NUDT7: variants seen among roughly 807,000 people sequenced by gnomAD.
NUDT7 encodes nudix hydrolase 7, also known as peroxisomal coenzyme A diphosphatase NUDT7.
NUDT7 carries 19 observed loss-of-function variants against 13.1 expected under a neutral mutation model. The ratio of observed to expected loss-of-function variants is 1.45; its 90% CI spans 1.01 to 2.13. NUDT7 has a LOEUF of 2.13. Among genes scored for constraint, NUDT7 ranks in the 30% most tolerant of loss-of-function variants. NUDT7 has a pLI of 0.00. For missense variants in NUDT7, 360 were observed against 291.7 expected, an observed-to-expected ratio of 1.23 and a Z score of -1.71; for synonymous variants, 132 against 109.7, an observed-to-expected ratio of 1.20 and a Z score of -1.27.
chr16:77,729,332 G>A (rs867672699), intron 2 of NUDT7, among the ~76,000 whole-genome samples: 14 of 151,866 alleles, frequency 9.2e-5, no homozygotes, highest in Admixed American at 2.0e-4. Context: ...TATTCACTGT[G>A]GAATGACTAA....
At chr16:77,722,977 G>T (rs572046293) in intron 1 of NUDT7, among the ~76,000 whole-genome samples, 1 of 152,326 alleles carries the variant, frequency 6.6e-6, no homozygotes, top group African/African-American at 2.4e-5. Flanking sequence ...GCTACTTTCA[G>T]TTGTGACCTT....
intron 2 of NUDT7, among the ~76,000 whole-genome samples, chr16:77,728,242 C>CT (rs912269306): frequency 1.3e-5 from 2 of 151,738 alleles, no homozygotes; most frequent in East Asian, 1.9e-4. Context: ...ACAAGTTTTT[C>CT]TTTTTTTTCA....
In NUDT7 at chr16:77,741,669, C is replaced by T. The variant is rs775846817; in HGVS notation, c.436C>T (p.Leu146=). The T allele has an allele frequency of 1.2e-6, 2 of 1,614,182 alleles. No homozygotes were observed. The highest frequency in any genetic ancestry group is 8.5e-7 in the Non-Finnish European group (1 of 1,180,030). ...PNPAEVKDVF[L]VPLAYFLHPQ... ...TCCTGCTGAAGTTAAGGATGTATTCCTGGTGCCTCTGGCCTATTTCCTGCA... is the reference window on the plus strand; with the variant it reads ...TCCTGCTGAAGTTAAGGATGTATTCTTGGTGCCTCTGGCCTATTTCCTGCA... The change falls in exon 4 of 4, where the codon CTG becomes TTG. Residue 146 remains leucine, a synonymous_variant. Transcript: ENST00000268533.
intron 2 of NUDT7, among the ~76,000 whole-genome samples, chr16:77,732,205 G>A (rs1330692738): frequency 6.6e-6 from 1 of 151,966 alleles, no homozygotes; most frequent in Non-Finnish European, 1.5e-5. Context: ...GCGGGTGCCT[G>A]TAATTCCAGT....
At chr16:77,727,078 T>A (rs1283977726) in intron 2 of NUDT7, among the ~76,000 whole-genome samples, 1 of 152,088 alleles carries the variant, frequency 6.6e-6, no homozygotes, top group Non-Finnish European at 1.5e-5. Context: ...AAACCATGCG[T>A]GAGAAATCTG....
chr16:77,725,347 CA>C, intron 1 of NUDT7, 83 bp from the exon 2 acceptor site: 1 of 1,289,896 alleles, frequency 7.8e-7, no homozygotes, highest in Non-Finnish European at 1.1e-6. Context: ...AAATACACAA[CA>C]AAGCAGAAAC....
intron 2 of NUDT7, among the ~76,000 whole-genome samples, chr16:77,733,943 C>A (rs1479566439): frequency 6.6e-6 from 1 of 152,124 alleles, no homozygotes. Flanking sequence ...CTCTCCACTT[C>A]TGCCCAAGAT....
At chr16:77,729,383 A>C (rs1219515213) in intron 2 of NUDT7, among the ~76,000 whole-genome samples, 5 of 152,188 alleles carry the variant, frequency 3.3e-5, no homozygotes, top group Non-Finnish European at 7.4e-5. Context: ...ATAGTAACAT[A>C]CTACTTCACA....
intron 1 of NUDT7, among the ~76,000 whole-genome samples, chr16:77,724,130 G>A (rs1252303877): frequency 6.6e-6 from 1 of 152,148 alleles, no homozygotes; most frequent in African/African-American, 2.4e-5. Context: ...CTCTGGGGGT[G>A]ACCTTTCCTT....
rs771650294 is a variant in NUDT7, at chr16:77,722,537, G to T, written c.-46G>T. 1.0e-5 allele frequency: 16 copies of T among 1,550,760 alleles called. No homozygotes were observed. The highest frequency in any genetic ancestry group is 4.8e-5 in the East Asian group (2 of 41,572). On this transcript the variant is annotated 5_prime_UTR_variant, in exon 1 of 4. Transcript: ENST00000268533. ...CTGCTCTGCGCAAGCGCGACCGACC[G>T]AGCAGCTCCGAGGAGTCCGCCCGGA...
Position 77,742,149 on chromosome 16 carries a change from C to T in NUDT7, c.*199C>T. Reference sequence around the variant, plus strand: ...GCCATTCAAAAATGAAAACTATGTTCATAGTGTTGCATATTTTCACCCACA... The same window carrying T: ...GCCATTCAAAAATGAAAACTATGTTTATAGTGTTGCATATTTTCACCCACA... On this transcript the variant is annotated 3_prime_UTR_variant, in exon 4 of 4. Transcript: ENST00000268533. The T allele has an allele frequency of 4.0e-6, 5 of 1,259,160 alleles. No homozygotes were observed. Among genetic ancestry groups the T allele is most frequent in the Non-Finnish European group, 5.1e-6 (5 of 988,084 alleles). 78.0% of individuals were successfully genotyped at this position (1,259,160 alleles called of 1,614,324 possible). A position where few individuals can be genotyped will look rare whatever the true frequency, so the allele number is the denominator to read the frequency against.
chr16:77,726,835 G>A (rs1322139009), intron 2 of NUDT7, among the ~76,000 whole-genome samples: 4 of 152,020 alleles, frequency 2.6e-5, no homozygotes, highest in Admixed American at 2.6e-4. Flanking sequence ...ATCTGAGTCT[G>A]GGTAATTTAT....
In NUDT7 at chr16:77,742,101, T is replaced by G; in HGVS notation, c.*151T>G. The G allele has an allele frequency of 7.2e-7, 1 of 1,396,510 alleles. No individual in the cohort carries two copies. The highest frequency in any genetic ancestry group is 2.6e-5 in the East Asian group (1 of 39,150). The allele number at this position is 1,396,510 out of a possible 1,614,324, so 86.5% of individuals were successfully genotyped here. A position where few individuals can be genotyped will look rare whatever the true frequency, so the allele number is the denominator to read the frequency against. ...AATCCTTGCCTCTTTTCCAGTTGCCTTCTATTGTCTGAAAAAGTAAAAGCC... is the reference window on the plus strand; with the variant it reads ...AATCCTTGCCTCTTTTCCAGTTGCCGTCTATTGTCTGAAAAAGTAAAAGCC... On this transcript the variant is annotated 3_prime_UTR_variant, in exon 4 of 4. Transcript: ENST00000268533.
chr16:77,740,524 A>T lies in NUDT7; in HGVS notation c.349-1058A>T, dbSNP rs900143327. On this transcript the variant is annotated intron_variant, in intron 3 of 3. Transcript: ENST00000268533. ...CTTTCATTTGACAACACTCATGTTCATTTGCTTTTTTACTTTTATATATTT... is the reference window on the plus strand; with the variant it reads ...CTTTCATTTGACAACACTCATGTTCTTTTGCTTTTTTACTTTTATATATTT... Among the ~76,000 whole-genome samples the T allele has an allele frequency of 5.3e-5, 8 of 152,064 alleles. No homozygotes were observed. The East Asian group carries it at 1.5e-3, about 29-fold the overall frequency.
rs757718021 is a variant in NUDT7, at chr16:77,735,890, T to C, written c.252T>C (p.Asp84=). The C allele has an allele frequency of 2.5e-6, 4 of 1,613,898 alleles. No homozygotes were observed. The highest frequency in any genetic ancestry group is 3.4e-6 in the Non-Finnish European group (4 of 1,179,944). The change falls in exon 3 of 4, where the codon GAT becomes GAC. Residue 84 remains aspartate, a synonymous_variant. Transcript: ENST00000268533. ...PGGKRDPTDM[D]DAATALREAQ... is the part of the protein sequence containing the mutation. ...GTAAGCGTGACCCTACAGACATGGA[T>C]GATGCAGCCACAGCTCTCCGGGAAG...
intron 2 of NUDT7, among the ~76,000 whole-genome samples, chr16:77,726,534 A>T (rs1318927): frequency 1.3e-5 from 2 of 151,874 alleles, no homozygotes; most frequent in African/African-American, 4.8e-5. Flanking sequence ...TGGTGGCTCA[A>T]GCATGTAATC....
rs1178000935 is a variant in NUDT7 at position 77,735,969 on chromosome 16, G to A, written c.331G>A (p.Val111Met). Residue 111 changes from valine (V) to methionine (M), a missense_variant, in exon 3 of 4, where the codon GTG becomes ATG. By Grantham distance (21) the Val-to-Met change is conservative. Coordinates refer to ENST00000268533, the MANE Select transcript of NUDT7 (RefSeq NM_001105663.3). ...CCAAGTGGAAGTTGTCTGCTGCCTGGTGCCATGTCTTATTGATGTAAGGGT... is the reference window on the plus strand; with the variant it reads ...CCAAGTGGAAGTTGTCTGCTGCCTGATGCCATGTCTTATTGATGTAAGGGT... ...PHQVEVVCCL[V>M]PCLIDTDTLI... 2 of 1,614,046 alleles carry A rather than the reference G, an allele frequency of 1.2e-6. No homozygotes were observed. The highest frequency in any genetic ancestry group is 1.7e-5 in the Admixed American group (1 of 60,006).
intron 1 of NUDT7, among the ~76,000 whole-genome samples, 181 bp from the exon 2 acceptor site, chr16:77,725,250 A>T (rs1343942288): frequency 1.3e-5 from 2 of 152,166 alleles, no homozygotes; most frequent in Non-Finnish European, 2.9e-5. Context: ...TGTCATTTTC[A>T]TCTTGCGAAC....
chr16:77,727,635 A>T (rs1435254789), intron 2 of NUDT7, among the ~76,000 whole-genome samples: 1 of 152,186 alleles, frequency 6.6e-6, no homozygotes, highest in Non-Finnish European at 1.5e-5. Context: ...TGGGCGGATC[A>T]CCTGAGGTCA....
Sources: allele counts gnomAD v4.1 joint callset (sites outside exome capture counted in the v4.1 genomes callset), GRCh38; gene constraint gnomAD v4.1.1; transcripts MANE v1.5; gene names NCBI Gene and HGNC (gene_info 2026-07-23, HGNC 2026-07-21).